Variants in MANBA observed in about 807,000 individuals in gnomAD.
MANBA encodes beta-mannosidase.
In MANBA, 83 loss-of-function variants were observed where a neutral mutation model predicts 111.1. The ratio of observed to expected loss-of-function variants is 0.75; its 90% confidence interval spans 0.63 to 0.90. MANBA has a LOEUF of 0.90. MANBA is among the 40% of genes least tolerant of loss of function. The probability of loss-of-function intolerance (pLI) is 0.00; values close to 1 mark genes in which losing one functional copy is unlikely to be tolerated. For missense variants in MANBA, 1,036 were observed against 1,069.0 expected (o/e 0.97, Z 0.43); for synonymous variants, 370 against 378.7 (o/e 0.98, Z 0.27).
At chr4:102,709,391 A>G (rs888939532) in intron 5 of MANBA, among the ~76,000 whole-genome samples, 8 of 104,488 alleles carry the variant, frequency 7.7e-5, no homozygotes, top group Non-Finnish European at 9.6e-5. Context: ...AGGAAGAAAG[A>G]AAGAAAGAAA....
intron 5 of MANBA, among the ~76,000 whole-genome samples, chr4:102,694,000 G>T (rs530876268): frequency 2.0e-5 from 3 of 152,122 alleles, no homozygotes; most frequent in Non-Finnish European, 4.4e-5. Flanking sequence ...AACGAAGCAG[G>T]CTCCTGTGTT....
At chr4:102,745,292 T>C (rs1723547053) in intron 1 of MANBA, among the ~76,000 whole-genome samples, 2 of 152,238 alleles carry the variant, frequency 1.3e-5, no homozygotes, top group South Asian at 4.2e-4. Flanking sequence ...GTCACTAGCA[T>C]AGTGGGGTCC....
At chr4:102,746,670 C>T (rs1053960735) in intron 1 of MANBA, among the ~76,000 whole-genome samples, 1 of 152,198 alleles carries the variant, frequency 6.6e-6, no homozygotes, top group Non-Finnish European at 1.5e-5. Context: ...GTTCTCCATA[C>T]TATTAGAAAT....
intron 11 of MANBA, among the ~76,000 whole-genome samples, chr4:102,658,606 T>C (rs1362423172): frequency 6.6e-6 from 1 of 152,248 alleles, no homozygotes; most frequent in Non-Finnish European, 1.5e-5. Flanking sequence ...AAGTAATGGC[T>C]AGGTGTCCAC....
intron 8 of MANBA, chr4:102,672,282 T>C (rs2110224538): frequency 2.6e-6 from 1 of 389,430 alleles, no homozygotes; most frequent in Admixed American, 4.4e-5. Flanking sequence ...CATTTGTAAA[T>C]ATGCTAAAAT....
chr4:102,652,168 C>T (rs930891698), intron 12 of MANBA, among the ~76,000 whole-genome samples: 4 of 152,088 alleles, frequency 2.6e-5, no homozygotes, highest in African/African-American at 9.7e-5. Context: ...TATAGTTACC[C>T]CAAAGTGCTA....
chr4:102,684,605 AACTT>A (rs1732128400), intron 7 of MANBA, among the ~76,000 whole-genome samples: 1 of 152,164 alleles, frequency 6.6e-6, no homozygotes, highest in Non-Finnish European at 1.5e-5. Flanking sequence ...TAAATAGACA[AACTT>A]ACAGTTACAC....
At chr4:102,736,604 G>A (rs1578950949) in intron 1 of MANBA, among the ~76,000 whole-genome samples, 1 of 151,908 alleles carries the variant, frequency 6.6e-6, no homozygotes, top group African/African-American at 2.4e-5. Context: ...TAGACACTTG[G>A]GCAAAAATAA....
rs745311341 is a variant in MANBA at position 102,633,372 on chromosome 4, C to T, written c.2416-1091G>A. ...GCTTCTGCTGCTCCAAGACCAAGGC[C>T]GAAAGAGATGCTGGTGTCATGCTTA... On this transcript the variant is annotated intron_variant, in intron 16 of 16. Coordinates refer to ENST00000647097, the MANE Select transcript of MANBA (RefSeq NM_005908.4). 5.0e-5 allele frequency: 20 copies of T among 398,516 alleles called. No individual in the cohort carries two copies. Among genetic ancestry groups the T allele is most frequent in the Non-Finnish European group, 5.7e-5 (13 of 226,132 alleles). 24.7% of individuals were successfully genotyped at this position (398,516 alleles called of 1,614,324 possible).
intron 5 of MANBA, among the ~76,000 whole-genome samples, chr4:102,712,539 A>G (rs227298): frequency 4.7e-5 from 7 of 149,320 alleles, no homozygotes; most frequent in African/African-American, 1.7e-4. Context: ...TTTTTTTTTT[A>G]AACAGCATCT....
At chr4:102,647,479 T>G (rs2110200530) in intron 13 of MANBA, among the ~76,000 whole-genome samples, 1 of 151,792 alleles carries the variant, frequency 6.6e-6, no homozygotes, top group African/African-American at 2.4e-5. Flanking sequence ...AATATAATTT[T>G]GAGGAAAAGA....
chr4:102,760,789 C>T lies in MANBA; in HGVS notation c.106G>A (p.Gly36Ser), dbSNP rs762853410. Residue 36 changes from glycine (G) to serine (S), a missense_variant, in exon 1 of 17, where the codon GGC (glycine) becomes AGC (serine). Physicochemically the swap from Gly to Ser is moderately conservative, Grantham distance 56. Transcript: ENST00000647097. ...ACCGCCCCGGGCAGCTCCAGCGAGC[C>T]GTTCCCATTGCAGATGCTCCAGTTG... Reference protein sequence around the residue: ...RGNWSICNGNGSLELPGAVPG... With the variant: ...RGNWSICNGNSSLELPGAVPG... The T allele has an allele frequency of 2.2e-5, 34 of 1,554,838 alleles. No homozygotes were observed. The African/African-American group carries it at 3.4e-4, about 16-fold the overall frequency.
intron 1 of MANBA, among the ~76,000 whole-genome samples, chr4:102,733,691 G>C (rs1414047374): frequency 1.3e-5 from 2 of 152,170 alleles, no homozygotes; most frequent in African/African-American, 4.8e-5. Context: ...TTCTAGAAAA[G>C]TAACCTGAAG....
intron 7 of MANBA, among the ~76,000 whole-genome samples, chr4:102,686,190 ATGTG>A (rs34832646): frequency 3.3e-5 from 5 of 150,394 alleles, no homozygotes; most frequent in Admixed American, 6.6e-5. Context: ...GAACTAGGAA[ATGTG>A]TGTGTGTGTG....
At chr4:102,671,517 A>G (rs1731498807) in intron 8 of MANBA, 119 bp from the exon 9 acceptor site, 1 of 692,260 alleles carries the variant, frequency 1.4e-6, no homozygotes, top group African/African-American at 1.8e-5. Context: ...GTTTGGTTAC[A>G]ATGTAAATTA....
At chr4:102,698,418 T>A (rs1204085903) in intron 5 of MANBA, among the ~76,000 whole-genome samples, 1 of 149,974 alleles carries the variant, frequency 6.7e-6, no homozygotes, top group Admixed American at 6.6e-5. Context: ...GTTTTAGACA[T>A]GAAGTCCTTG....
At chr4:102,742,016 A>G (rs1312521639) in intron 1 of MANBA, among the ~76,000 whole-genome samples, 1 of 152,092 alleles carries the variant, frequency 6.6e-6, no homozygotes, top group African/African-American at 2.4e-5. Flanking sequence ...CCTTAATCTC[A>G]GGGCATGGTA....
At chr4:102,755,576 C>A (rs1003355673) in intron 1 of MANBA, among the ~76,000 whole-genome samples, 47 of 152,324 alleles carry the variant, frequency 3.1e-4, no homozygotes, top group Non-Finnish European at 5.4e-4. Context: ...GACTTCATGA[C>A]TAAAACACCA....
chr4:102,690,700 C>G lies in MANBA; in HGVS notation c.745G>C (p.Gly249Arg). 2 of 1,609,156 alleles carry G rather than the reference C, an allele frequency of 1.2e-6. No individual in the cohort carries two copies. Among genetic ancestry groups the G allele is most frequent in the Non-Finnish European group, 1.7e-6 (2 of 1,176,704 alleles). The change falls in exon 6 of 17, where the codon GGT becomes CGT. Residue 249 changes from glycine (G) to arginine (R), a missense_variant. Transcript: ENST00000647097. Reference sequence around the variant, plus strand: ...TTAGGGATGGCTACGATCACTTGACCACCAACTGGCTTTGAGCTGACAACA... The same window carrying G: ...TTAGGGATGGCTACGATCACTTGACGACCAACTGGCTTTGAGCTGACAACA... ...FDVVSSKPVG[G>R]QVIVAIPKLQ...
Sources: gnomAD v4.1 joint callset for allele counts (sites outside exome capture counted in the v4.1 genomes callset) on GRCh38, gnomAD v4.1.1 for gene constraint, MANE v1.5 for transcripts, NCBI Gene and HGNC (gene_info 2026-07-23, HGNC 2026-07-21) for gene names.